GPC5: variants seen among roughly 807,000 people sequenced by gnomAD.
GPC5 encodes the protein glypican 5.
GPC5 carries 47 observed loss-of-function variants against 53.9 expected under a neutral mutation model. The ratio of observed to expected loss-of-function variants is 0.87; its 90% CI spans 0.69 to 1.11. GPC5 has a LOEUF of 1.11. GPC5 is among the 50% of genes most tolerant of loss of function. The pLI is 0.00. For missense variants in GPC5, 748 were observed against 713.1 expected (o/e 1.05, Z -0.56); for synonymous variants, 286 against 263.3 (o/e 1.09, Z -0.84).
intron 2 of GPC5, among the ~76,000 whole-genome samples, chr13:91,490,617 C>A (rs529613927): frequency 6.6e-6 from 1 of 152,254 alleles, no homozygotes; most frequent in Admixed American, 6.5e-5. Context: ...ACCCAACTTG[C>A]ATTTTAAATC....
chr13:92,329,147 T>C (rs1038280852), intron 7 of GPC5, among the ~76,000 whole-genome samples: 3 of 152,118 alleles, frequency 2.0e-5, no homozygotes, highest in African/African-American at 7.2e-5. Context: ...CCTGTTCATT[T>C]TTGAATCTCT....
At chr13:92,157,011 A>G (rs892900214) in intron 7 of GPC5, among the ~76,000 whole-genome samples, 1 of 152,142 alleles carries the variant, frequency 6.6e-6, no homozygotes, top group Admixed American at 6.5e-5. Flanking sequence ...TTAATGAACA[A>G]TGCTACAAGC....
intron 7 of GPC5, among the ~76,000 whole-genome samples, chr13:92,531,279 A>T (rs1881555106): frequency 2.6e-5 from 4 of 152,138 alleles, no homozygotes; most frequent in Admixed American, 2.6e-4. Context: ...GTCACAACAG[A>T]GATTTTGGCT....
intron 5 of GPC5, among the ~76,000 whole-genome samples, chr13:91,877,387 G>A (rs8002417): frequency 0.012 from 1,760 of 152,316 alleles, 17 homozygotes; most frequent in African/African-American, 0.025. Context: ...AGCCACAGGG[G>A]CAGAGCTGCC....
chr13:91,456,429 A>G (rs545161622), intron 2 of GPC5, among the ~76,000 whole-genome samples: 2 of 152,100 alleles, frequency 1.3e-5, no homozygotes, highest in Non-Finnish European at 2.9e-5. Context: ...TTAAAAGAGA[A>G]CCAATTTATC....
chr13:91,595,834 C>A (rs1307395292), intron 2 of GPC5, among the ~76,000 whole-genome samples: 1 of 152,164 alleles, frequency 6.6e-6, no homozygotes, highest in Non-Finnish European at 1.5e-5. Flanking sequence ...AGCTGGCTTG[C>A]TGTCCCCACC....
chr13:92,311,700 C>A (rs1393280009), intron 7 of GPC5, among the ~76,000 whole-genome samples: 1 of 152,146 alleles, frequency 6.6e-6, no homozygotes, highest in African/African-American at 2.4e-5. Flanking sequence ...TTCACTATCA[C>A]AAGAACAGCA....
chr13:92,677,629 G>A (rs564247070), intron 7 of GPC5, among the ~76,000 whole-genome samples: 4 of 152,316 alleles, frequency 2.6e-5, no homozygotes, highest in Admixed American at 6.5e-5. Context: ...AGCAGGAGAA[G>A]GATAGAGAGG....
At chr13:92,479,794 C>T (rs1879282581) in intron 7 of GPC5, among the ~76,000 whole-genome samples, 1 of 152,162 alleles carries the variant, frequency 6.6e-6, no homozygotes, top group South Asian at 2.1e-4. Flanking sequence ...CTGTTTTATC[C>T]ACATAACAAT....
At chr13:92,402,396 C>T (rs1483045919) in intron 7 of GPC5, among the ~76,000 whole-genome samples, 5 of 152,134 alleles carry the variant, frequency 3.3e-5, no homozygotes, top group Non-Finnish European at 7.3e-5. Flanking sequence ...TCTAAGCATT[C>T]TTCACATTGC....
intron 7 of GPC5, among the ~76,000 whole-genome samples, chr13:92,853,992 T>C (rs975291292): frequency 3.3e-5 from 5 of 152,070 alleles, no homozygotes; most frequent in African/African-American, 1.2e-4. Flanking sequence ...TAGATGATAG[T>C]TGTAGGGATC....
chr13:91,559,051 A>G (rs963851855), intron 2 of GPC5, among the ~76,000 whole-genome samples: 3 of 152,086 alleles, frequency 2.0e-5, no homozygotes, highest in African/African-American at 7.2e-5. Context: ...TCACTGATAC[A>G]GAATTACTAC....
chr13:92,376,577 A>G (rs1022147914), intron 7 of GPC5, among the ~76,000 whole-genome samples: 1 of 152,186 alleles, frequency 6.6e-6, no homozygotes, highest in African/African-American at 2.4e-5. Context: ...ATCTGAGCTA[A>G]TTTTACCTCA....
intron 7 of GPC5, among the ~76,000 whole-genome samples, chr13:92,801,155 T>C (rs1306972475): frequency 2.0e-5 from 3 of 151,600 alleles, no homozygotes; most frequent in African/African-American, 4.8e-5. Context: ...AATATTGTTA[T>C]GCAACCCATG....
intron 7 of GPC5, among the ~76,000 whole-genome samples, chr13:92,679,889 AC>A (rs1887064048): frequency 2.1e-5 from 1 of 47,126 alleles, no homozygotes. Context: ...CCACCCCCCC[AC>A]CCTCCCCACC....
At chr13:91,532,396 A>G (rs968525572) in intron 2 of GPC5, among the ~76,000 whole-genome samples, 4 of 152,178 alleles carry the variant, frequency 2.6e-5, no homozygotes, top group African/African-American at 4.8e-5. Context: ...TTCATGTACA[A>G]TTATGGCTTT....
intron 2 of GPC5, among the ~76,000 whole-genome samples, chr13:91,540,747 G>T (rs2029884243): frequency 6.6e-6 from 1 of 152,118 alleles, no homozygotes; most frequent in Non-Finnish European, 1.5e-5. Flanking sequence ...TGCTGTTTTT[G>T]TTTGGCTGTT....
intron 7 of GPC5, among the ~76,000 whole-genome samples, chr13:92,244,291 G>A (rs1486663669): frequency 6.6e-6 from 1 of 152,110 alleles, no homozygotes. Flanking sequence ...GTTTAATTCT[G>A]ATTTCCAGAA....
At chr13:92,581,809 T>G (rs1217678719) in intron 7 of GPC5, among the ~76,000 whole-genome samples, 1 of 152,202 alleles carries the variant, frequency 6.6e-6, no homozygotes, top group Admixed American at 6.5e-5. Context: ...ATTTCCCTGA[T>G]GATAGGTGAT....
Sources: allele counts gnomAD v4.1 joint callset (sites outside exome capture counted in the v4.1 genomes callset), GRCh38; gene constraint gnomAD v4.1.1; transcripts MANE v1.5; gene names NCBI Gene and HGNC (gene_info 2026-07-23, HGNC 2026-07-21).